Variants in CACNA2D2 observed in about 807,000 individuals in gnomAD.
CACNA2D2 encodes the protein calcium voltage-gated channel auxiliary subunit alpha2delta 2.
A neutral mutation model predicts 166.4 loss-of-function variants in CACNA2D2; 48 were observed. That is an observed-to-expected ratio of 0.29 (90% CI 0.23 to 0.37). The LOEUF (loss-of-function observed/expected upper bound fraction) is 0.37, where lower values mean the gene tolerates loss of function less well. Among genes scored for constraint, CACNA2D2 ranks in the 10% least tolerant of loss-of-function variants. The pLI, the probability that CACNA2D2 is intolerant of heterozygous loss-of-function variation, is 1.00. For synonymous variants in CACNA2D2, 561 were observed against 573.7 expected, an observed-to-expected ratio of 0.98 and a Z score of 0.32; for missense variants, 1,122 against 1,433.0, an observed-to-expected ratio of 0.78 and a Z score of 3.50.
intron 2 of CACNA2D2, among the ~76,000 whole-genome samples, chr3:50,458,443 C>T (rs1213363509): frequency 1.3e-5 from 2 of 152,194 alleles, no homozygotes; most frequent in Admixed American, 6.5e-5. Flanking sequence ...GACAGGGAGT[C>T]TCTGGGCTCA....
At chr3:50,422,571 C>T (rs1015419358) in intron 3 of CACNA2D2, among the ~76,000 whole-genome samples, 2 of 152,198 alleles carry the variant, frequency 1.3e-5, no homozygotes, top group African/African-American at 4.8e-5. Context: ...AAATGTGAGA[C>T]CCCTTCTTTC....
At chr3:50,408,621 G>A (rs1261806039) in intron 3 of CACNA2D2, among the ~76,000 whole-genome samples, 5 of 152,260 alleles carry the variant, frequency 3.3e-5, no homozygotes, top group Non-Finnish European at 1.5e-5. Context: ...GGGACAGCTG[G>A]AGCCGTGGTG....
At chr3:50,445,366 A>G (rs1262524566) in intron 2 of CACNA2D2, among the ~76,000 whole-genome samples, 1 of 152,190 alleles carries the variant, frequency 6.6e-6, no homozygotes, top group African/African-American at 2.4e-5. Flanking sequence ...GGCACCGGTA[A>G]GGCAGTAGGC....
Position 50,363,234 on chromosome 3 carries a change from C to G in CACNA2D2, c.*1432G>C. ...AGGCCGGGTGCACATGGACACCCACCCTGGCACCAGCAGTGGGCATGGACC... is the reference window on the plus strand; with the variant it reads ...AGGCCGGGTGCACATGGACACCCACGCTGGCACCAGCAGTGGGCATGGACC... On this transcript the variant is annotated 3_prime_UTR_variant, in exon 38 of 38. Coordinates refer to ENST00000424201, the MANE Select transcript of CACNA2D2 (RefSeq NM_006030.4). 2.5e-6 allele frequency: 1 copy of G among 398,890 alleles called. No individual in the cohort carries two copies. Among genetic ancestry groups the G allele is most frequent in the Non-Finnish European group, 4.4e-6 (1 of 226,070 alleles). 24.7% of individuals were successfully genotyped at this position (398,890 alleles called of 1,614,324 possible).
In CACNA2D2 at chr3:50,380,765, A is replaced by G. The variant is rs1382345080; in HGVS notation, c.825T>C (p.Asp275=). 6.5e-7 allele frequency: 1 copy of G among 1,547,298 alleles called. No homozygotes were observed. Among genetic ancestry groups the G allele is most frequent in the Non-Finnish European group, 8.7e-7 (1 of 1,147,044 alleles). ...TCGCTCACCAGGGTCTCCTTCGGAC[A>G]TCGTACAGGTCGATCTTCTTGGGGG... The part of the protein sequence containing the change: ...WRAPKKIDLY[D]VRRRPWYIQG... Residue 275 remains aspartate, a synonymous_variant, in exon 8 of 38, where the codon GAT becomes GAC. Coordinates refer to ENST00000424201, the MANE Select transcript of CACNA2D2 (RefSeq NM_006030.4). The surrounding 1 kb of genome is among the most constrained non-coding windows in gnomAD (Gnocchi z 4.9).
intron 2 of CACNA2D2, among the ~76,000 whole-genome samples, chr3:50,456,356 G>T (rs1013012773): frequency 6.6e-6 from 1 of 152,200 alleles, no homozygotes; most frequent in Non-Finnish European, 1.5e-5. Flanking sequence ...ACATTTCAAG[G>T]ATGGAGTCAG....
In CACNA2D2 at chr3:50,376,753, C is replaced by G. The variant is rs962403486; in HGVS notation, c.1627-565G>C. 1.3e-5 allele frequency among the ~76,000 whole-genome samples: 2 copies of G among 152,164 alleles called. No homozygotes were observed. Among genetic ancestry groups the G allele is most frequent in the African/African-American group, 4.8e-5 (2 of 41,442 alleles). ...CAGCCCCTGCCCACTCAGGGCCAAG[C>G]AGAGGCTTCAGGGGGGCTCAGGCTT... On this transcript the variant is annotated intron_variant, in intron 17 of 37. Transcript: ENST00000424201. The surrounding 1 kb of genome is among the most constrained non-coding windows in gnomAD (Gnocchi z 4.3).
Position 50,378,862 on chromosome 3 carries a change from C to T in CACNA2D2, c.1339+53G>A, listed in dbSNP as rs587668162. On this transcript the variant is annotated intron_variant, in intron 13 of 37. Transcript: ENST00000424201. ...GGATGGCCAGTTGAACATACGCAAT[C>T]GACAAAAAGAAATGGCAGGCAGGCC... The T allele has an allele frequency of 4.2e-5, 68 of 1,605,666 alleles. No homozygotes were observed. The African/African-American group carries it at 5.6e-4, about 13-fold the overall frequency.
intron 3 of CACNA2D2, among the ~76,000 whole-genome samples, chr3:50,434,052 C>T (rs996963308): frequency 2.6e-5 from 4 of 152,182 alleles, no homozygotes; most frequent in African/African-American, 4.8e-5. Context: ...AGGGGTAGGG[C>T]CTGCCCCAGT....
chr3:50,371,975 CT>C (rs1704677251), intron 22 of CACNA2D2, among the ~76,000 whole-genome samples: 1 of 151,974 alleles, frequency 6.6e-6, no homozygotes, highest in African/African-American at 2.4e-5. Flanking sequence ...CCTTTATCCC[CT>C]TTGCTGGACT....
intron 2 of CACNA2D2, among the ~76,000 whole-genome samples, chr3:50,447,003 A>C (rs1708877212): frequency 6.6e-6 from 1 of 152,152 alleles, no homozygotes; most frequent in African/African-American, 2.4e-5. Flanking sequence ...CCAGCTTCTC[A>C]CCTTCTTCCG....
intron 3 of CACNA2D2, among the ~76,000 whole-genome samples, chr3:50,417,023 G>T (rs547470589): frequency 2.3e-4 from 35 of 152,304 alleles, no homozygotes; most frequent in African/African-American, 8.4e-4. Flanking sequence ...TTGCAGACAG[G>T]GGAAGAACAG....
At chr3:50,428,737 A>T (rs1461922174) in intron 3 of CACNA2D2, among the ~76,000 whole-genome samples, 1 of 152,106 alleles carries the variant, frequency 6.6e-6, no homozygotes, top group Non-Finnish European at 1.5e-5. Flanking sequence ...GAAGAAACTG[A>T]GGGGGCAGGG....
At chr3:50,485,616 T>C (rs1356363953) in intron 1 of CACNA2D2, among the ~76,000 whole-genome samples, 3 of 152,180 alleles carry the variant, frequency 2.0e-5, no homozygotes, top group South Asian at 2.1e-4. Context: ...ATTCCTGTGT[T>C]TTGCACTCTG....
chr3:50,443,009 G>A (rs1463363835), intron 2 of CACNA2D2, among the ~76,000 whole-genome samples: 1 of 152,156 alleles, frequency 6.6e-6, no homozygotes, highest in African/African-American at 2.4e-5. Context: ...GGGAATTTGA[G>A]CCTGAGGTGA....
At chr3:50,377,362 C>T (rs979373975) in intron 17 of CACNA2D2, 105 bp downstream of exon 17, 1 of 921,462 alleles carries the variant, frequency 1.1e-6, no homozygotes, top group African/African-American at 1.6e-5. Context: ...CCCCTGAACT[C>T]AGAGGTCTCC....
chr3:50,477,251 A>G (rs1170950546), intron 1 of CACNA2D2, among the ~76,000 whole-genome samples: 1 of 152,108 alleles, frequency 6.6e-6, no homozygotes, highest in Non-Finnish European at 1.5e-5. Flanking sequence ...GTTTTAACCC[A>G]TTTCCATCTC....
intron 1 of CACNA2D2, among the ~76,000 whole-genome samples, chr3:50,476,975 G>C (rs1205159586): frequency 6.7e-6 from 1 of 149,238 alleles, no homozygotes; most frequent in Non-Finnish European, 1.5e-5. Context: ...TGTCGCCCAG[G>C]CTGGAGTGCA....
chr3:50,375,553 G>T lies in CACNA2D2; in HGVS notation c.1907+91C>A. ...CTGGCCACTGGTGCCCCACTGGGAT[G>T]GTGGTCACAGTGGGAGAGGGAGGGG... On this transcript the variant is annotated intron_variant, in intron 21 of 37. Transcript: ENST00000424201. The surrounding 1 kb of genome is among the most constrained non-coding windows in gnomAD (Gnocchi z 4.0). 4 of 1,348,048 alleles carry T rather than the reference G, an allele frequency of 3.0e-6. No individual in the cohort carries two copies. Among genetic ancestry groups the T allele is most frequent in the Non-Finnish European group, 4.2e-6 (4 of 951,308 alleles). 83.5% of individuals were successfully genotyped at this position (1,348,048 alleles called of 1,614,324 possible).
Sources: gnomAD v4.1 joint callset for allele counts (sites outside exome capture counted in the v4.1 genomes callset) on GRCh38, gnomAD v4.1.1 for gene constraint, Gnocchi (gnomAD v3.1) non-coding constraint, MANE v1.5 for transcripts, NCBI Gene and HGNC (gene_info 2026-07-23, HGNC 2026-07-21) for gene names.